The following PIP5K1B variants were observed in gnomAD, a reference collection of about 807,000 sequenced individuals.
PIP5K1B encodes phosphatidylinositol 4-phosphate 5-kinase type-1 beta.
A neutral mutation model predicts 67.0 loss-of-function variants in PIP5K1B; 42 were observed. The ratio of observed to expected loss-of-function variants is 0.63; its 90% CI spans 0.49 to 0.81. The LOEUF is 0.81. Among genes scored for constraint, PIP5K1B ranks in the 30% least tolerant of loss-of-function variants. The pLI is 0.00. For missense variants in PIP5K1B, 459 were observed against 646.3 expected, an observed-to-expected ratio of 0.71 and a Z score of 3.14; for synonymous variants, 214 against 231.4, an observed-to-expected ratio of 0.92 and a Z score of 0.68.
At chr9:68,939,579 C>T (rs1006506666) in intron 13 of PIP5K1B, among the ~76,000 whole-genome samples, 8 of 152,158 alleles carry the variant, frequency 5.3e-5, no homozygotes, top group Non-Finnish European at 8.8e-5. Flanking sequence ...TTTTATATGA[C>T]GATCATCTTT....
intron 4 of PIP5K1B, among the ~76,000 whole-genome samples, chr9:68,857,090 G>A (rs1344858897): frequency 6.6e-6 from 1 of 152,186 alleles, no homozygotes; most frequent in Non-Finnish European, 1.5e-5. Context: ...TTTGAAGATG[G>A]AGGAAGAGGC....
chr9:68,990,206 A>T (rs1007369327), intron 14 of PIP5K1B, among the ~76,000 whole-genome samples: 1 of 152,144 alleles, frequency 6.6e-6, no homozygotes, highest in Non-Finnish European at 1.5e-5. Context: ...CTGCTACTCC[A>T]AGTGTGGTCC....
At chr9:68,838,468 C>T (rs1201686734) in intron 4 of PIP5K1B, among the ~76,000 whole-genome samples, 1 of 152,210 alleles carries the variant, frequency 6.6e-6, no homozygotes, top group Non-Finnish European at 1.5e-5. Context: ...TGGTCACGTA[C>T]ATTTGGGAAG....
chr9:68,881,404 G>C (rs980724677), intron 6 of PIP5K1B, among the ~76,000 whole-genome samples: 10 of 152,216 alleles, frequency 6.6e-5, no homozygotes, highest in African/African-American at 2.4e-4. Flanking sequence ...AAAGGATACA[G>C]TGCCAATCAC....
chr9:68,860,538 C>G (rs370761571), intron 4 of PIP5K1B, among the ~76,000 whole-genome samples: 18 of 152,320 alleles, frequency 1.2e-4, no homozygotes, highest in East Asian at 3.9e-4. Flanking sequence ...AGGAATGGCT[C>G]TCTCAGAGCT....
At chr9:68,914,066 G>T (rs1223432854) in intron 8 of PIP5K1B, among the ~76,000 whole-genome samples, 1 of 151,982 alleles carries the variant, frequency 6.6e-6, no homozygotes, top group Admixed American at 6.6e-5. Context: ...AAAAATATAA[G>T]AAAAAGTATT....
intron 1 of PIP5K1B, among the ~76,000 whole-genome samples, chr9:68,717,811 G>T (rs1041573217): frequency 4.6e-5 from 7 of 152,134 alleles, no homozygotes; most frequent in Admixed American, 4.6e-4. Context: ...TAGTATATAC[G>T]TAGAGATATA....
intron 2 of PIP5K1B, among the ~76,000 whole-genome samples, chr9:68,751,550 A>G (rs978171352): frequency 3.9e-5 from 6 of 152,238 alleles, no homozygotes; most frequent in Non-Finnish European, 8.8e-5. Flanking sequence ...CAGCTACTAA[A>G]AATGCAGTTT....
At chr9:68,866,865 C>T (rs1823383656) in intron 5 of PIP5K1B, among the ~76,000 whole-genome samples, 1 of 151,934 alleles carries the variant, frequency 6.6e-6, no homozygotes, top group South Asian at 2.1e-4. Context: ...GAGTCCAGTC[C>T]AGGGAAAAAG....
At chr9:68,956,492 CTA>C (rs1186693228) in intron 14 of PIP5K1B, among the ~76,000 whole-genome samples, 2 of 151,996 alleles carry the variant, frequency 1.3e-5, no homozygotes, top group Non-Finnish European at 2.9e-5. Flanking sequence ...AGAAAAATTT[CTA>C]TGTTTGGATC....
intron 6 of PIP5K1B, among the ~76,000 whole-genome samples, chr9:68,879,818 T>A (rs1824084115): frequency 6.6e-6 from 1 of 152,122 alleles, no homozygotes; most frequent in African/African-American, 2.4e-5. Context: ...CTATTATATA[T>A]CATTTTTTTA....
intron 2 of PIP5K1B, among the ~76,000 whole-genome samples, chr9:68,763,792 A>G (rs1639890505): frequency 6.6e-6 from 1 of 152,242 alleles, no homozygotes; most frequent in Non-Finnish European, 1.5e-5. Context: ...AATTATGGCA[A>G]TGAGGTGGTG....
intron 5 of PIP5K1B, among the ~76,000 whole-genome samples, chr9:68,867,875 GTACCTTGAGA>G (rs1387174579): frequency 6.6e-6 from 1 of 152,198 alleles, no homozygotes; most frequent in African/African-American, 2.4e-5. Flanking sequence ...ATTACTTGAG[GTACCTTGAGA>G]TGTTTTAATT....
At chr9:69,006,088 A>G (rs1321864946) in intron 15 of PIP5K1B, among the ~76,000 whole-genome samples, 3 of 152,088 alleles carry the variant, frequency 2.0e-5, no homozygotes. Flanking sequence ...ACAGGGTCTC[A>G]CTATGTGGCC....
intron 1 of PIP5K1B, among the ~76,000 whole-genome samples, chr9:68,740,712 A>T (rs956011117): frequency 1.4e-4 from 22 of 152,208 alleles, no homozygotes; most frequent in African/African-American, 5.3e-4. Flanking sequence ...ATTTAGTGAG[A>T]AATATAGGTG....
chr9:68,836,117 A>C (rs1834594093), intron 4 of PIP5K1B, among the ~76,000 whole-genome samples: 1 of 152,164 alleles, frequency 6.6e-6, no homozygotes, highest in East Asian at 1.9e-4. Flanking sequence ...GGAAGGTGGG[A>C]GTGGGCAGAC....
intron 5 of PIP5K1B, among the ~76,000 whole-genome samples, chr9:68,871,678 G>C (rs924958831): frequency 6.6e-6 from 1 of 152,068 alleles, no homozygotes; most frequent in Non-Finnish European, 1.5e-5. Flanking sequence ...TCCTTTTTTG[G>C]AGCTAAAAAT....
At chr9:68,799,266 T>G (rs1832461165) in intron 2 of PIP5K1B, among the ~76,000 whole-genome samples, 2 of 152,228 alleles carry the variant, frequency 1.3e-5, no homozygotes. Flanking sequence ...TCTCTATCTG[T>G]AGTACATACC....
intron 11 of PIP5K1B, 67 bp downstream of exon 11, chr9:68,919,796 G>A: frequency 1.1e-6 from 1 of 872,620 alleles, no homozygotes; most frequent in Non-Finnish European, 1.9e-6. Flanking sequence ...CAGAGTATGT[G>A]CAGGAAACTG....
Sources: allele counts gnomAD v4.1 joint callset (sites outside exome capture counted in the v4.1 genomes callset), GRCh38; gene constraint gnomAD v4.1.1; transcripts MANE v1.5; gene names NCBI Gene and HGNC (gene_info 2026-07-23, HGNC 2026-07-21).